CEP128: variants seen among roughly 807,000 people sequenced by gnomAD.
CEP128 encodes the protein centrosomal protein 128, also known as centrosomal protein 128kDa.
A neutral mutation model predicts 156.7 loss-of-function variants in CEP128; 132 were observed. That is an observed-to-expected ratio of 0.84 (90% CI 0.73 to 0.97). The LOEUF (loss-of-function observed/expected upper bound fraction) is 0.97. Ranked by LOEUF, CEP128 falls within the 50% of genes least tolerant of loss-of-function variation. The pLI is 0.00. For missense variants in CEP128, 1,252 were observed against 1,281.9 expected (o/e 0.98, Z 0.36); for synonymous variants, 469 against 448.9 (o/e 1.04, Z -0.57).
chr14:80,680,749 G>A lies in CEP128; in HGVS notation c.2806+62326C>T, dbSNP rs1171606629. On this transcript the variant is annotated intron_variant, in intron 19 of 24. Coordinates refer to ENST00000555265, the MANE Select transcript of CEP128 (RefSeq NM_152446.5). ...ACCATGCAGAGAAATTGGGGCTGAGGTTTCCCAGCTTTAACACTAGGCACA... is the reference window on the plus strand; with the variant it reads ...ACCATGCAGAGAAATTGGGGCTGAGATTTCCCAGCTTTAACACTAGGCACA... Among the ~76,000 whole-genome samples the A allele has an allele frequency of 2.0e-5, 3 of 152,308 alleles. No homozygotes were observed. The East Asian group carries it at 5.8e-4, about 29-fold the overall frequency.
At chr14:80,899,762 C>T (rs949453642) in intron 7 of CEP128, among the ~76,000 whole-genome samples, 176 bp downstream of exon 7, 4 of 152,296 alleles carry the variant, frequency 2.6e-5, no homozygotes, top group Non-Finnish European at 2.9e-5. Flanking sequence ...TTGTCTAACA[C>T]TGAGTCATGA....
At chr14:80,502,030 T>C (rs571672274) in intron 24 of CEP128, among the ~76,000 whole-genome samples, 1 of 152,278 alleles carries the variant, frequency 6.6e-6, no homozygotes, top group African/African-American at 2.4e-5. Context: ...CTCTTTAATT[T>C]GCATATAATT....
chr14:80,785,091 G>A lies in CEP128; in HGVS notation c.2015C>T (p.Ala672Val). 1 of 1,614,150 alleles carries A rather than the reference G, an allele frequency of 6.2e-7. No homozygotes were observed. The highest frequency in any genetic ancestry group is 8.5e-7 in the Non-Finnish European group (1 of 1,180,002). ...LKDLSDLTAQ[A>V]KSRDEETATI... ...AGCTGTTTCTTCATCCCTGGATTTTGCCTGTGCAGTGAGGTCAGAAAGGTC... is the reference window on the plus strand; with the variant it reads ...AGCTGTTTCTTCATCCCTGGATTTTACCTGTGCAGTGAGGTCAGAAAGGTC... The change falls in exon 15 of 25, where the codon GCA becomes GTA. Residue 672 changes from alanine (A) to valine (V), a missense_variant. Physicochemically the swap from Ala to Val is moderately conservative, Grantham distance 64. Transcript: ENST00000555265.
downstream of CEP128, among the ~76,000 whole-genome samples, chr14:80,492,976 T>C (rs577175975): frequency 1.3e-5 from 2 of 152,132 alleles, no homozygotes; most frequent in Non-Finnish European, 2.9e-5. Flanking sequence ...AAAATATATA[T>C]ATATTGCTTC....
intron 9 of CEP128, among the ~76,000 whole-genome samples, chr14:80,854,704 T>C (rs955667791): frequency 1.1e-4 from 16 of 152,176 alleles, no homozygotes; most frequent in Admixed American, 6.6e-4. Context: ...AAAACGCTTT[T>C]TGTACTAAAT....
intron 21 of CEP128, among the ~76,000 whole-genome samples, chr14:80,546,907 A>G (rs1890010673): frequency 6.6e-6 from 1 of 152,222 alleles, no homozygotes; most frequent in South Asian, 2.1e-4. Context: ...ATGAAATCAT[A>G]TATTAGTGTT....
chr14:80,766,528 A>G (rs1900247910), intron 16 of CEP128, among the ~76,000 whole-genome samples: 1 of 152,196 alleles, frequency 6.6e-6, no homozygotes, highest in Non-Finnish European at 1.5e-5. Context: ...ACACAAGAGC[A>G]TGTCCAAAAT....
intron 20 of CEP128, among the ~76,000 whole-genome samples, chr14:80,560,211 A>C (rs1415548723): frequency 6.6e-6 from 1 of 152,298 alleles, no homozygotes; most frequent in South Asian, 2.1e-4. Context: ...AGATCACATG[A>C]GGCCAGGAGT....
intron 19 of CEP128, among the ~76,000 whole-genome samples, chr14:80,734,194 A>G (rs1159796553): frequency 6.6e-6 from 1 of 152,228 alleles, no homozygotes; most frequent in Non-Finnish European, 1.5e-5. Flanking sequence ...GCTACAAAGG[A>G]CAACTACTCT....
chr14:80,958,852 T>C (rs530894397), intron 1 of CEP128, among the ~76,000 whole-genome samples: 69 of 152,328 alleles, frequency 4.5e-4, no homozygotes, highest in African/African-American at 1.6e-3. Flanking sequence ...GTACCTCTTT[T>C]TAAAGTTTTT....
In CEP128 at chr14:80,561,921, GTTTTGT is replaced by G. The variant is rs561096878; in HGVS notation, c.2857-2625_2857-2620del. On this transcript the variant is annotated intron_variant, in intron 20 of 24. Transcript: ENST00000555265. ...CTATATATATATATATATTTGTTTT[GTTTTGT>G]TTTTGTTTTTGTTTTTTTGGGACAG... 1.3e-4 allele frequency among the ~76,000 whole-genome samples: 13 copies of G among 103,276 alleles called. No individual in the cohort carries two copies. In the South Asian group the frequency reaches 2.4e-3, roughly 19 times the overall value. The allele number at this position is 103,276 out of a possible 152,430, so 67.8% of individuals were successfully genotyped here. A position where few individuals can be genotyped will look rare whatever the true frequency, so the allele number is the denominator to read the frequency against.
Position 80,740,449 on chromosome 14 carries a change from T to TATAC in CEP128, c.2806+2625_2806+2626insGTAT, listed in dbSNP as rs139887993. 4.1e-5 allele frequency among the ~76,000 whole-genome samples: 6 copies of TATAC among 146,188 alleles called. No individual in the cohort carries two copies. The East Asian group carries it at 1.2e-3, about 30-fold the overall frequency. ...AAAACTAGTAAAATGTATATACACA[T>TATAC]ACACACACACACACACACACACACA... is the stretch of plus-strand genomic sequence containing the variant. On this transcript the variant is annotated intron_variant, in intron 19 of 24. Coordinates refer to ENST00000555265, the MANE Select transcript of CEP128 (RefSeq NM_152446.5).
intron 19 of CEP128, among the ~76,000 whole-genome samples, chr14:80,679,978 G>A (rs1032200374): frequency 2.6e-5 from 4 of 152,194 alleles, no homozygotes; most frequent in African/African-American, 9.7e-5. Context: ...TATTGGGGGT[G>A]GGTTCCCCCG....
At chr14:80,621,064 C>T (rs551542642) in intron 19 of CEP128, among the ~76,000 whole-genome samples, 33 of 152,214 alleles carry the variant, frequency 2.2e-4, no homozygotes, top group Middle Eastern at 3.4e-3. Context: ...TAGCAATACA[C>T]GACACCAACA....
upstream of CEP128, among the ~76,000 whole-genome samples, chr14:80,946,451 A>G (rs886185523): frequency 6.6e-5 from 10 of 151,778 alleles, no homozygotes; most frequent in Non-Finnish European, 1.5e-4. Flanking sequence ...AGCCTTGACT[A>G]AGATTATACT....
At chr14:80,952,992 T>C (rs2139662060) in intron 2 of CEP128, among the ~76,000 whole-genome samples, 1 of 152,290 alleles carries the variant, frequency 6.6e-6, no homozygotes, top group Admixed American at 6.5e-5. Flanking sequence ...GTTTAGAAAC[T>C]GGATTTATAG....
chr14:80,838,439 T>C (rs1027768201), intron 10 of CEP128, among the ~76,000 whole-genome samples, 161 bp from the exon 11 acceptor site: 16 of 152,186 alleles, frequency 1.1e-4, no homozygotes, highest in Admixed American at 6.5e-5. Flanking sequence ...ATATCAATAC[T>C]TCCATTAAAA....
intron 13 of CEP128, among the ~76,000 whole-genome samples, chr14:80,823,688 C>T (rs764381644): frequency 3.9e-5 from 6 of 152,208 alleles, no homozygotes; most frequent in Non-Finnish European, 7.3e-5. Flanking sequence ...GGTGGGCTCC[C>T]ACCGCCCTGC....
At position 80,793,125 on chromosome 14, in the gene CEP128, T is replaced by A; in HGVS notation, c.1210-15A>T. The A allele has an allele frequency of 6.3e-7, 1 of 1,591,906 alleles. No individual in the cohort carries two copies. Among genetic ancestry groups the A allele is most frequent in the Non-Finnish European group, 8.6e-7 (1 of 1,162,516 alleles). On this transcript the variant is annotated splice_polypyrimidine_tract_variant and intron_variant, in intron 13 of 24. Coordinates refer to ENST00000555265, the MANE Select transcript of CEP128 (RefSeq NM_152446.5). Reference sequence around the variant, plus strand: ...CGTGTTAAATTCTACGAATAAAGCATGCAAAACATTAGGAACAAATCCTTG... The same window carrying A: ...CGTGTTAAATTCTACGAATAAAGCAAGCAAAACATTAGGAACAAATCCTTG...
Sources: gnomAD v4.1 joint callset for allele counts (sites outside exome capture counted in the v4.1 genomes callset) on GRCh38, gnomAD v4.1.1 for gene constraint, MANE v1.5 for transcripts, NCBI Gene and HGNC (gene_info 2026-07-23, HGNC 2026-07-21) for gene names.